AP4B1: variants seen among roughly 807,000 people sequenced by gnomAD.
The protein encoded by AP4B1 is adaptor related protein complex 4 subunit beta 1, also known as AP-4 complex subunit beta-1.
Under a neutral mutation model 76.5 loss-of-function variants are expected in AP4B1, and 49 were observed. The ratio of observed to expected loss-of-function variants is 0.64; its 90% CI spans 0.51 to 0.81. The LOEUF (loss-of-function observed/expected upper bound fraction) is 0.81, where lower values mean the gene tolerates loss of function less well. Among genes scored for constraint, AP4B1 ranks in the 40% least tolerant of loss-of-function variants. The pLI is 0.00. For missense variants in AP4B1, 911 were observed against 904.9 expected, an observed-to-expected ratio of 1.01 and a Z score of -0.09; for synonymous variants, 330 against 333.3, an observed-to-expected ratio of 0.99 and a Z score of 0.11.
chr1:113,900,611 C>T (rs754540277), intron 4 of AP4B1: 99 of 616,576 alleles, frequency 1.6e-4, no homozygotes, highest in Non-Finnish European at 2.3e-4. Flanking sequence ...TACAAATGCA[C>T]ACTCCTCTAA....
chr1:113,897,997 G>A, intron 6 of AP4B1, 54 bp from the exon 7 acceptor site: 1 of 1,612,484 alleles, frequency 6.2e-7, no homozygotes, highest in Non-Finnish European at 8.5e-7. Flanking sequence ...CAGGTAGGCA[G>A]GAATCTTAAG....
chr1:113,902,049 T>A, intron 2 of AP4B1, 164 bp from the exon 3 acceptor site: 1 of 932,656 alleles, frequency 1.1e-6, no homozygotes, highest in African/African-American at 1.7e-5. Context: ...TTGACTTTTC[T>A]GTTTTTTTCT....
rs371514044 is a variant in AP4B1, at chr1:113,900,336, G to C, written c.682C>G (p.Arg228Gly). ...ATGTCAAATAGTTCTTCCTCACTGCGGGGTTGGTAGCGTAGCAGAAAGTTC... is the reference window on the plus strand; with the variant it reads ...ATGTCAAATAGTTCTTCCTCACTGCCGGGTTGGTAGCGTAGCAGAAAGTTC... The part of the protein sequence containing the change: ...VLNFLLRYQP[R>G]SEEELFDILN... Residue 228 changes from arginine to glycine, a missense_variant, in exon 5 of 10, where the codon CGC (arginine) becomes GGC (glycine). Arg to Gly is a moderately radical substitution (Grantham distance 125). Transcript: ENST00000369569. The C allele has an allele frequency of 6.2e-7, 1 of 1,610,768 alleles. No homozygotes were observed. The highest frequency in any genetic ancestry group is 8.5e-7 in the Non-Finnish European group (1 of 1,178,976).
At chr1:113,899,207 C>T (rs185641630) in intron 5 of AP4B1, 7 of 1,032,468 alleles carry the variant, frequency 6.8e-6, no homozygotes, top group Middle Eastern at 4.8e-4. Flanking sequence ...CTCTTCTCTG[C>T]CCCTAAAATA....
intron 2 of AP4B1, chr1:113,902,217 A>T (rs1203738418): frequency 2.5e-6 from 1 of 401,434 alleles, no homozygotes; most frequent in Non-Finnish European, 4.7e-6. Flanking sequence ...TTTTTTGTAG[A>T]TATAGGCTCT....
chr1:113,895,260 C>T lies in AP4B1; in HGVS notation c.2025G>A (p.Gly675=), dbSNP rs1667317857. 1.2e-6 allele frequency: 2 copies of T among 1,614,056 alleles called. No individual in the cohort carries two copies. The highest frequency in any genetic ancestry group is 1.3e-5 in the African/African-American group (1 of 74,910). ...NIQTIAMSRA[G]SRPWKAYLSA... Reference sequence around the variant, plus strand: ...TGAGGTATGCTTTCCATGGCCGAGACCCAGCCCTACTCATTGCGATGGTCT... The same window carrying T: ...TGAGGTATGCTTTCCATGGCCGAGATCCAGCCCTACTCATTGCGATGGTCT... Residue 675 remains glycine (G), a synonymous_variant, in exon 10 of 10, where the codon GGG becomes GGA. Coordinates refer to ENST00000369569, the MANE Select transcript of AP4B1 (RefSeq NM_001253852.3).
intron 5 of AP4B1, 84 bp downstream of exon 5, chr1:113,899,820 C>A: frequency 6.2e-7 from 1 of 1,606,082 alleles, no homozygotes; most frequent in African/African-American, 1.3e-5. Flanking sequence ...AGATTCATGC[C>A]CTTTGCTCTC....
chr1:113,903,499 A>T (rs554267290), intron 1 of AP4B1, among the ~76,000 whole-genome samples: 1 of 152,396 alleles, frequency 6.6e-6, no homozygotes. Flanking sequence ...TTAATGAGCC[A>T]GATGAGAATA....
intron 7 of AP4B1, chr1:113,897,441 T>C (rs1667631213): frequency 3.6e-6 from 1 of 274,280 alleles, no homozygotes; most frequent in Non-Finnish European, 7.1e-6. Context: ...ATACAAAAAT[T>C]AGCTGGGCGT....
At chr1:113,896,725 G>T in intron 7 of AP4B1, 1 of 545,832 alleles carries the variant, frequency 1.8e-6, no homozygotes, top group Non-Finnish European at 3.3e-6. Flanking sequence ...CTCAGGTTTG[G>T]GGCCTTTGGC....
In AP4B1 at chr1:113,901,798, A is replaced by G. The variant is rs1159233840; in HGVS notation, c.426T>C (p.Leu142=). ...GAAGATTATGCATCTTGGCACATCC[A>G]AGGACTGCCACTCTCCTGACATATG... is the stretch of plus-strand genomic sequence containing the variant. The part of the protein sequence containing the change: ...KASYVRRVAV[L]GCAKMHNLHG... Residue 142 remains leucine, a synonymous_variant, in exon 3 of 10, where the codon CTT becomes CTC. Transcript: ENST00000369569. 2 of 1,614,100 alleles carry G rather than the reference A, an allele frequency of 1.2e-6. No individual in the cohort carries two copies. Among genetic ancestry groups the G allele is most frequent in the African/African-American group, 2.7e-5 (2 of 74,926 alleles).
chr1:113,895,260 C>G lies in AP4B1; in HGVS notation c.2025G>C (p.Gly675=). Residue 675 remains glycine, a synonymous_variant, in exon 10 of 10, where the codon GGG becomes GGC. Coordinates refer to ENST00000369569, the MANE Select transcript of AP4B1 (RefSeq NM_001253852.3). ...TGAGGTATGCTTTCCATGGCCGAGACCCAGCCCTACTCATTGCGATGGTCT... is the reference window on the plus strand; with the variant it reads ...TGAGGTATGCTTTCCATGGCCGAGAGCCAGCCCTACTCATTGCGATGGTCT... The part of the protein sequence containing the change: ...NIQTIAMSRA[G]SRPWKAYLSA... 6.2e-7 allele frequency: 1 copy of G among 1,614,174 alleles called. No homozygotes were observed. Among genetic ancestry groups the G allele is most frequent in the Non-Finnish European group, 8.5e-7 (1 of 1,180,036 alleles).
At chr1:113,897,981 A>G in intron 6 of AP4B1, 38 bp from the exon 7 acceptor site, 7 of 1,613,940 alleles carry the variant, frequency 4.3e-6, no homozygotes, top group Non-Finnish European at 5.9e-6. Flanking sequence ...ACAGGATTAG[A>G]GCCTCCAGGT....
At chr1:113,899,815 C>T (rs749613350) in intron 5 of AP4B1, 89 bp downstream of exon 5, 5 of 1,603,324 alleles carry the variant, frequency 3.1e-6, no homozygotes, top group Non-Finnish European at 4.3e-6. Flanking sequence ...AAGCAAGATT[C>T]ATGCCCTTTG....
rs1393973783 is a variant in AP4B1 at position 113,901,904 on chromosome 1, A to T, written c.339-19T>A. 6.2e-7 allele frequency: 1 copy of T among 1,614,064 alleles called. No homozygotes were observed. Among genetic ancestry groups the T allele is most frequent in the South Asian group, 1.1e-5 (1 of 91,084 alleles). On this transcript the variant is annotated intron_variant, in intron 2 of 9. Transcript: ENST00000369569. ...AGGCATCCTAAGCAACACATCCTGG[A>T]GTTAGCCAGATTCTGAAATACTAAT...
chr1:113,898,631 T>G (rs1342505807), intron 6 of AP4B1, 87 bp downstream of exon 6: 1 of 969,652 alleles, frequency 1.0e-6, no homozygotes, highest in Non-Finnish European at 1.7e-6. Flanking sequence ...TCTATATTAC[T>G]CATTCAACAA....
At chr1:113,898,938 T>C (rs1308158278) in intron 5 of AP4B1, 137 bp from the exon 6 acceptor site, 1 of 941,300 alleles carries the variant, frequency 1.1e-6, no homozygotes, top group Non-Finnish European at 1.6e-6. Flanking sequence ...CACTCCTTAC[T>C]TGATGAACTA....
chr1:113,902,516 G>A, intron 2 of AP4B1, 122 bp downstream of exon 2: 3 of 998,288 alleles, frequency 3.0e-6, no homozygotes, highest in Non-Finnish European at 4.6e-6. Flanking sequence ...TCTGAGTTCA[G>A]GGTACAATAA....
At chr1:113,899,407 C>A in intron 5 of AP4B1, 1 of 953,758 alleles carries the variant, frequency 1.0e-6, no homozygotes, top group South Asian at 3.5e-5. Flanking sequence ...AATACATAGC[C>A]CATAGCAGAA....
Sources: allele counts gnomAD v4.1 joint callset (sites outside exome capture counted in the v4.1 genomes callset), GRCh38; gene constraint gnomAD v4.1.1; transcripts MANE v1.5; gene names NCBI Gene and HGNC (gene_info 2026-07-23, HGNC 2026-07-21).